Variants in ARHGAP12 observed in about 807,000 individuals in gnomAD.
The protein encoded by ARHGAP12 is rho GTPase-activating protein 12.
In ARHGAP12, 64 loss-of-function variants were observed where a neutral mutation model predicts 108.6. That is an observed-to-expected ratio of 0.59 (90% CI 0.48 to 0.73). The LOEUF is 0.73. ARHGAP12 is among the 30% of genes least tolerant of loss of function. The probability of loss-of-function intolerance (pLI) is 0.00; values close to 1 mark genes in which losing one functional copy is unlikely to be tolerated. For synonymous variants in ARHGAP12, 312 were observed against 337.2 expected (o/e 0.93, Z 0.82); for missense variants, 940 against 1,005.9 (o/e 0.93, Z 0.89).
chr10:31,907,009 T>C (rs1592367575), intron 3 of ARHGAP12, among the ~76,000 whole-genome samples: 1 of 152,156 alleles, frequency 6.6e-6, no homozygotes, highest in East Asian at 1.9e-4. Context: ...TTCCTTGATC[T>C]CAAACACTAG....
intron 3 of ARHGAP12, among the ~76,000 whole-genome samples, chr10:31,885,696 A>G (rs1294116896): frequency 6.6e-6 from 1 of 151,834 alleles, no homozygotes; most frequent in Non-Finnish European, 1.5e-5. Context: ...GTGCATGCCT[A>G]TAAGCCCAGC....
At chr10:31,916,120 TG>T (rs1839545630) in intron 1 of ARHGAP12, among the ~76,000 whole-genome samples, 1 of 152,182 alleles carries the variant, frequency 6.6e-6, no homozygotes, top group Non-Finnish European at 1.5e-5. Context: ...GGAACTGAAA[TG>T]TATTCTATAC....
At chr10:31,899,024 T>C (rs1838819639) in intron 3 of ARHGAP12, among the ~76,000 whole-genome samples, 1 of 152,150 alleles carries the variant, frequency 6.6e-6, no homozygotes, top group Admixed American at 6.6e-5. Context: ...ACACACAACA[T>C]GGCTGAACAT....
At chr10:31,896,617 G>A (rs1166703887) in intron 3 of ARHGAP12, among the ~76,000 whole-genome samples, 2 of 152,062 alleles carry the variant, frequency 1.3e-5, no homozygotes, top group Non-Finnish European at 2.9e-5. Context: ...ATGTGATTAT[G>A]AGGGGGAAAA....
rs1419958456 is a variant in ARHGAP12, at chr10:31,814,332, C to T, written c.1761G>A (p.Glu587=). The stretch of plus-strand genomic sequence containing the variant: ...CTATTCCTGGTGAATCCGGTATCTC[C>T]TCTTCAATTCCTTCATCAGTTTCTA... ...QAVETDEGIE[E]EIPDSPGIEK... Residue 587 remains glutamate (E), a synonymous_variant, in exon 14 of 20, where the codon GAG becomes GAA. Coordinates refer to ENST00000344936, the MANE Select transcript of ARHGAP12 (RefSeq NM_018287.7). The T allele has an allele frequency of 6.2e-7, 1 of 1,613,824 alleles. No homozygotes were observed. Among genetic ancestry groups the T allele is most frequent in the African/African-American group, 1.3e-5 (1 of 74,886 alleles).
intron 8 of ARHGAP12, 44 bp from the exon 9 acceptor site, chr10:31,839,363 G>A (rs751280340): frequency 1.3e-6 from 2 of 1,559,624 alleles, no homozygotes; most frequent in East Asian, 2.3e-5. Flanking sequence ...GTATTGTCTG[G>A]GAATTTTATA....
chr10:31,841,355 C>A (rs1836257471), intron 7 of ARHGAP12, among the ~76,000 whole-genome samples: 1 of 152,094 alleles, frequency 6.6e-6, no homozygotes, highest in South Asian at 2.1e-4. Flanking sequence ...ATTTGCTATA[C>A]AATAATAGAT....
Position 31,871,384 on chromosome 10 carries a change from G to A in ARHGAP12, c.685-9726C>T, listed in dbSNP as rs375408831. Among the ~76,000 whole-genome samples the A allele has an allele frequency of 1.0e-3, 158 of 151,996 alleles. 2 individuals carry two copies. In the Middle Eastern group the frequency reaches 0.014, roughly 13 times the overall value. On this transcript the variant is annotated intron_variant, in intron 3 of 19. Transcript: ENST00000344936. ...ATTTTCTAGTTATTGAAACTCAGAG[G>A]TGCTCTATTACTACAGGGTTGGTTA... is the stretch of plus-strand genomic sequence containing the variant.
intron 3 of ARHGAP12, among the ~76,000 whole-genome samples, chr10:31,892,165 T>C (rs1477074653): frequency 2.0e-5 from 3 of 152,088 alleles, no homozygotes; most frequent in Non-Finnish European, 2.9e-5. Flanking sequence ...CATGCCAAAT[T>C]ATAAAGACCA....
intron 1 of ARHGAP12, among the ~76,000 whole-genome samples, chr10:31,917,332 G>A (rs1441772186): frequency 1.3e-5 from 2 of 152,116 alleles, no homozygotes; most frequent in African/African-American, 4.8e-5. Flanking sequence ...ATCTTGAACA[G>A]GAGGCAGAGG....
chr10:31,918,529 C>T (rs1839660016), intron 1 of ARHGAP12, among the ~76,000 whole-genome samples: 1 of 151,932 alleles, frequency 6.6e-6, no homozygotes. Context: ...ATAACGAGGC[C>T]CCGTCTCTAC....
In ARHGAP12 at chr10:31,837,231, C is replaced by T. The variant is rs572678537; in HGVS notation, c.1386+2074G>A. 5.9e-5 allele frequency among the ~76,000 whole-genome samples: 9 copies of T among 152,258 alleles called. No individual in the cohort carries two copies. The East Asian group carries it at 1.7e-3, about 29-fold the overall frequency. ...ATTTAAAATAGTTTTAAAGGGTTTC[C>T]TACTTTTCTAGATGGACAGATTAAG... On this transcript the variant is annotated intron_variant, in intron 9 of 19. Coordinates refer to ENST00000344936, the MANE Select transcript of ARHGAP12 (RefSeq NM_018287.7).
At chr10:31,865,841 G>A (rs940814605) in intron 3 of ARHGAP12, among the ~76,000 whole-genome samples, 2 of 149,772 alleles carry the variant, frequency 1.3e-5, no homozygotes, top group Non-Finnish European at 3.0e-5. Flanking sequence ...CCGCGACGCT[G>A]CACTCCAGCC....
At chr10:31,833,644 C>A (rs1835913042) in intron 9 of ARHGAP12, among the ~76,000 whole-genome samples, 1 of 152,164 alleles carries the variant, frequency 6.6e-6, no homozygotes, top group African/African-American at 2.4e-5. Flanking sequence ...CCAAAACGTA[C>A]AAATACAAAG....
intron 3 of ARHGAP12, among the ~76,000 whole-genome samples, chr10:31,867,214 C>A (rs1424275970): frequency 1.3e-5 from 2 of 150,260 alleles, no homozygotes; most frequent in Non-Finnish European, 3.0e-5. Flanking sequence ...TCCTGAAGAA[C>A]CTTGTTTTCT....
rs1839240117 is a variant in ARHGAP12, at chr10:31,908,761, A to G, written c.95T>C (p.Ile32Thr). ...GTACCTCTCCCCTTGTTTTATCACA[A>G]TCTTTCTGTCCTTTGCTTCATATTC... ...DYEYEAKDRK[I>T]VIKQGERYIL... The change falls in exon 3 of 20, where the codon ATT (isoleucine) becomes ACT (threonine). Residue 32 changes from isoleucine to threonine, a missense_variant. Coordinates refer to ENST00000344936, the MANE Select transcript of ARHGAP12 (RefSeq NM_018287.7). 2 of 1,613,646 alleles carry G rather than the reference A, an allele frequency of 1.2e-6. No individual in the cohort carries two copies. The highest frequency in any genetic ancestry group is 4.5e-5 in the East Asian group (2 of 44,870).
chr10:31,815,495 CAT>C lies in ARHGAP12; in HGVS notation c.1732-1136_1732-1135del, dbSNP rs371179404. ...TGAATATGACTTTTTAAAGACTTGA[CAT>C]ATGATGGTGCAAGTCCTTTTACTTT... On this transcript the variant is annotated intron_variant, in intron 13 of 19. Coordinates refer to ENST00000344936, the MANE Select transcript of ARHGAP12 (RefSeq NM_018287.7). Among the ~76,000 whole-genome samples, 300 of 152,106 alleles carry C rather than the reference CAT, an allele frequency of 2.0e-3. 1 individual carries two copies. Among genetic ancestry groups the C allele is most frequent in the Middle Eastern group, 0.014 (4 of 294 alleles).
Position 31,809,033 on chromosome 10 carries a change from A to G in ARHGAP12, c.2224T>C (p.Phe742Leu). Reference sequence around the variant, plus strand: ...AAATCATTAAAATGATTAAATGTAAAAAGAGGTTCTGGTAATTCTCGAAAA... The same window carrying G: ...AAATCATTAAAATGATTAAATGTAAGAAGAGGTTCTGGTAATTCTCGAAAA... ...MFFRELPEPL[F>L]TFNHFNDFVN... The change falls in exon 18 of 20, where the codon TTT becomes CTT. Residue 742 changes from phenylalanine to leucine, a missense_variant. Phe to Leu is a conservative substitution (Grantham distance 22). Coordinates refer to ENST00000344936, the MANE Select transcript of ARHGAP12 (RefSeq NM_018287.7). The G allele has an allele frequency of 6.3e-7, 1 of 1,598,836 alleles. No individual in the cohort carries two copies. The highest frequency in any genetic ancestry group is 8.6e-7 in the Non-Finnish European group (1 of 1,167,608).
At chr10:31,871,564 CAAT>C (rs1399150318) in intron 3 of ARHGAP12, among the ~76,000 whole-genome samples, 1 of 152,104 alleles carries the variant, frequency 6.6e-6, no homozygotes, top group Non-Finnish European at 1.5e-5. Context: ...CTGACAAAGA[CAAT>C]AATAAAGCAG....
Sources: allele counts gnomAD v4.1 joint callset (sites outside exome capture counted in the v4.1 genomes callset), GRCh38; gene constraint gnomAD v4.1.1; transcripts MANE v1.5; gene names NCBI Gene and HGNC (gene_info 2026-07-23, HGNC 2026-07-21).